RTN2: variants seen among roughly 807,000 people sequenced by gnomAD.
RTN2 encodes the protein reticulon-2.
Under a neutral mutation model 63.7 loss-of-function variants are expected in RTN2, and 36 were observed. That is an observed-to-expected ratio of 0.56 (90% CI 0.43 to 0.75). RTN2 has a LOEUF of 0.75. Ranked by LOEUF, RTN2 falls within the 30% of genes least tolerant of loss-of-function variation. RTN2 has a pLI of 0.00. For synonymous variants in RTN2, 312 were observed against 313.0 expected (o/e 1.00, Z 0.03); for missense variants, 673 against 705.1 (o/e 0.95, Z 0.52).
chr19:45,489,283 G>T, intron 6 of RTN2, 63 bp downstream of exon 6: 1 of 1,465,622 alleles, frequency 6.8e-7, no homozygotes. Context: ...TGCCTGATTT[G>T]AGGTCGTGGG....
chr19:45,489,676 CTTTTTTT>C (rs200770145), intron 5 of RTN2, 123 bp from the exon 6 acceptor site: 417 of 502,304 alleles, frequency 8.3e-4, no homozygotes, highest in East Asian at 6.2e-3. Flanking sequence ...ACCTGATTTC[CTTTTTTT>C]TTTTTTTTTT....
At chr19:45,495,227 G>A in intron 1 of RTN2, 88 bp from the exon 2 acceptor site, 1 of 1,477,022 alleles carries the variant, frequency 6.8e-7, no homozygotes, top group Non-Finnish European at 9.4e-7. Flanking sequence ...TAGAATATTT[G>A]AATCACGGGA....
chr19:45,487,807 G>C (rs1168552371), intron 9 of RTN2, among the ~76,000 whole-genome samples: 5 of 150,278 alleles, frequency 3.3e-5, no homozygotes, highest in African/African-American at 1.2e-4. Flanking sequence ...GCCAGGCATG[G>C]TGGCAGGCAC....
In RTN2 at chr19:45,494,340, G is replaced by A. The variant is rs778882714; in HGVS notation, c.640C>T (p.Pro214Ser). Residue 214 changes from proline to serine, a missense_variant, in exon 4 of 11, where the codon CCC (proline) becomes TCC (serine). By Grantham distance (74) the Pro-to-Ser change is moderately conservative. Transcript: ENST00000245923. The surrounding 1 kb of genome is among the most constrained non-coding windows in gnomAD (Gnocchi z 5.3). ...GATGGGGACGGAGTACCGGCCTGGG[G>A]TGTCCCAGAGCCCGGACTGAGCTGG... The part of the protein sequence containing the change: ...TPQLSPGSGT[P>S]QAGTPSPSRS... The A allele has an allele frequency of 1.6e-5, 26 of 1,614,068 alleles. No individual in the cohort carries two copies. The highest frequency in any genetic ancestry group is 2.2e-5 in the Non-Finnish European group (26 of 1,180,046).
Position 45,494,216 on chromosome 19 carries a change from C to A in RTN2, c.764G>T (p.Cys255Phe), listed in dbSNP as rs775281770. Residue 255 changes from cysteine to phenylalanine, a missense_variant, in exon 4 of 11, where the codon TGC (cysteine) becomes TTC (phenylalanine). Transcript: ENST00000245923. This position sits in a 1 kb window ranked among gnomAD's most constrained non-coding sequence, Gnocchi z 5.3. Reference protein sequence around the residue: ...PLEREPVRGQCLDSTDQLEFT... With the variant: ...PLEREPVRGQFLDSTDQLEFT... ...TTCTAATTGGTCCGTGCTATCGAGG[C>A]ACTGTCCCCTTACTGGCTCTCGCTC... is the stretch of plus-strand genomic sequence containing the variant. The A allele has an allele frequency of 6.2e-6, 10 of 1,610,202 alleles. No homozygotes were observed. The highest frequency in any genetic ancestry group is 8.5e-6 in the Non-Finnish European group (10 of 1,180,002).
At chr19:45,485,946 T>C (rs1968011378) in intron 10 of RTN2, 109 bp downstream of exon 10, 1 of 1,287,120 alleles carries the variant, frequency 7.8e-7, no homozygotes, top group Non-Finnish European at 1.1e-6. Flanking sequence ...TCCTCAGCCT[T>C]TTCAAGGGGA....
rs764371053 is a variant in RTN2, at chr19:45,488,977, C to T, written c.1251G>A (p.Leu417=). Residue 417 remains leucine, a synonymous_variant, in exon 7 of 11, where the codon CTG becomes CTA. Transcript: ENST00000245923. The stretch of plus-strand genomic sequence containing the variant: ...CCCGAGTCAGGGTGAGGTCCACATC[C>T]AGGTAGGCCCTGCGGGGACAAAGGA... The part of the protein sequence containing the change: ...GDGANPFQAY[L]DVDLTLTREQ... 2.5e-6 allele frequency: 4 copies of T among 1,611,534 alleles called. No homozygotes were observed. Among genetic ancestry groups the T allele is most frequent in the Non-Finnish European group, 2.5e-6 (3 of 1,179,042 alleles).
chr19:45,486,794 G>A (rs1968032872), intron 9 of RTN2, among the ~76,000 whole-genome samples: 1 of 145,262 alleles, frequency 6.9e-6, no homozygotes, highest in African/African-American at 2.6e-5. Flanking sequence ...GACTGCAGTG[G>A]TGCAATCTCA....
rs774304208 is a variant in RTN2, at chr19:45,494,796, G to C, written c.289C>G (p.Arg97Gly). 1 of 1,604,664 alleles carries C rather than the reference G, an allele frequency of 6.2e-7. No homozygotes were observed. The highest frequency in any genetic ancestry group is 8.5e-7 in the Non-Finnish European group (1 of 1,179,870). The change falls in exon 3 of 11, where the codon CGA (arginine) becomes GGA (glycine). Residue 97 changes from arginine to glycine, a missense_variant. By Grantham distance (125) the Arg-to-Gly change is moderately radical. Coordinates refer to ENST00000245923, the MANE Select transcript of RTN2 (RefSeq NM_005619.5). This position sits in a 1 kb window ranked among gnomAD's most constrained non-coding sequence, Gnocchi z 5.3. ...RPQGRSVSEP[R>G]DQHPQPSLGD... ...AGGCTGGGCTGAGGGTGCTGGTCTC[G>C]TGGTTCCGAGACTGAGCGGCCCTGG...
intron 5 of RTN2, among the ~76,000 whole-genome samples, chr19:45,490,289 C>T (rs527474399): frequency 2.0e-5 from 3 of 152,242 alleles, no homozygotes; most frequent in South Asian, 4.1e-4. Context: ...CATGTGCTAC[C>T]GCGCCTGGCC....
At position 45,494,503 on chromosome 19, in the gene RTN2, T is replaced by C. The variant is rs753115199; in HGVS notation, c.559+23A>G. ...AACCACCCACCCCTCTTGGCTTTGG[T>C]CCCAGCACCTCGGACATCTCACCTT... On this transcript the variant is annotated intron_variant, in intron 3 of 10. Transcript: ENST00000245923. The surrounding 1 kb of genome is among the most constrained non-coding windows in gnomAD (Gnocchi z 5.3). The C allele has an allele frequency of 6.2e-7, 1 of 1,610,030 alleles. No individual in the cohort carries two copies. The highest frequency in any genetic ancestry group is 1.1e-5 in the South Asian group (1 of 90,724).
chr19:45,489,400 A>G lies in RTN2; in HGVS notation c.1187T>C (p.Val396Ala). Residue 396 changes from valine (V) to alanine (A), a missense_variant, in exon 6 of 11, where the codon GTT becomes GCT. Val to Ala is a moderately conservative substitution (Grantham distance 64). Coordinates refer to ENST00000245923, the MANE Select transcript of RTN2 (RefSeq NM_005619.5). ...LLLCGTISLRVYRKVLQAVHR... is the reference protein window; with the variant it reads ...LLLCGTISLRAYRKVLQAVHR... ...CACGGCCTGCAGCACTTTGCGGTAA[A>G]CCCTGAGAGAGATGGTGCCGCAGAG... 1.9e-6 allele frequency: 3 copies of G among 1,600,222 alleles called. No individual in the cohort carries two copies. The highest frequency in any genetic ancestry group is 2.7e-5 in the African/African-American group (2 of 74,702).
In RTN2 at chr19:45,494,816, C is replaced by G. The variant is rs753666898; in HGVS notation, c.269G>C (p.Gly90Ala). Residue 90 changes from glycine to alanine, a missense_variant, in exon 3 of 11, where the codon GGC becomes GCC. By Grantham distance (60) the Gly-to-Ala change is moderately conservative (BLOSUM62 0). Transcript: ENST00000245923. This position sits in a 1 kb window ranked among gnomAD's most constrained non-coding sequence, Gnocchi z 5.3. Reference protein sequence around the residue: ...DSTARRPRPQGRSVSEPRDQH... With the variant: ...DSTARRPRPQARSVSEPRDQH... ...GTCTCGTGGTTCCGAGACTGAGCGG[C>G]CCTGGGGGCGGGGGCGGCGGGCAGT... is the stretch of plus-strand genomic sequence containing the variant. 6 of 1,603,694 alleles carry G rather than the reference C, an allele frequency of 3.7e-6. No homozygotes were observed. The East Asian group carries it at 1.3e-4, about 36-fold the overall frequency.
intron 1 of RTN2, chr19:45,496,490 A>C (rs1038555061): frequency 9.8e-6 from 3 of 306,696 alleles, no homozygotes; most frequent in African/African-American, 4.3e-5. Flanking sequence ...CACCAGAGCC[A>C]GGGGACAGCT....
In RTN2 at chr19:45,485,379, A is replaced by G; in HGVS notation, c.*329T>C. On this transcript the variant is annotated 3_prime_UTR_variant, in exon 11 of 11. Coordinates refer to ENST00000245923, the MANE Select transcript of RTN2 (RefSeq NM_005619.5). ...GCAAAGCCCCGGCGTTGGGGCTAGT[A>G]GCATCCAGGAGACACCAACGCCTCA... 1 of 335,170 alleles carries G rather than the reference A, an allele frequency of 3.0e-6. No homozygotes were observed. Among genetic ancestry groups the G allele is most frequent in the Non-Finnish European group, 5.6e-6 (1 of 178,152 alleles). The allele number at this position is 335,170 out of a possible 1,614,324, so 20.8% of individuals were successfully genotyped here.
intron 5 of RTN2, 86 bp downstream of exon 5, chr19:45,493,074 A>G: frequency 7.8e-7 from 1 of 1,278,188 alleles, no homozygotes. Context: ...AGTAATAAAA[A>G]TGCTCCGGAT....
At chr19:45,485,893 G>C (rs113723337) in intron 10 of RTN2, 104 bp from the exon 11 acceptor site, 44 of 1,169,510 alleles carry the variant, frequency 3.8e-5, no homozygotes, top group African/African-American at 2.9e-4. Context: ...AGAGCCCGAA[G>C]CCAGCTCCTG....
intron 5 of RTN2, among the ~76,000 whole-genome samples, chr19:45,490,058 G>GT (rs1350762386): frequency 2.6e-5 from 4 of 151,936 alleles, no homozygotes; most frequent in African/African-American, 4.8e-5. Context: ...CTGGAGTGCA[G>GT]TGGCGCAATC....
Position 45,494,289 on chromosome 19 carries a change from G to T in RTN2, c.691C>A (p.Pro231Thr), listed in dbSNP as rs1968223109. The change falls in exon 4 of 11, where the codon CCC becomes ACC. Residue 231 changes from proline (P) to threonine (T), a missense_variant. Coordinates refer to ENST00000245923, the MANE Select transcript of RTN2 (RefSeq NM_005619.5). The surrounding 1 kb of genome is among the most constrained non-coding windows in gnomAD (Gnocchi z 5.3). ...TCCTCTTCCAGCAATGGCTCTTCGG[G>T]CCCAGAGTTCGAATCTCGCGATCGG... ...PSRSRDSNSG[P>T]EEPLLEEEEK... The T allele has an allele frequency of 6.2e-7, 1 of 1,613,912 alleles. No individual in the cohort carries two copies. Among genetic ancestry groups the T allele is most frequent in the Non-Finnish European group, 8.5e-7 (1 of 1,180,030 alleles).
Sources: allele counts gnomAD v4.1 joint callset (sites outside exome capture counted in the v4.1 genomes callset), GRCh38; gene constraint gnomAD v4.1.1; non-coding constraint Gnocchi (gnomAD v3.1); transcripts MANE v1.5; gene names NCBI Gene and HGNC (gene_info 2026-07-23, HGNC 2026-07-21).